Variants in SLC12A1 observed in about 807,000 individuals in gnomAD.
The protein encoded by SLC12A1 is Na-K-2Cl cotransporter.
SLC12A1 carries 89 observed loss-of-function variants against 130.4 expected under a neutral mutation model. That is an observed-to-expected ratio of 0.68 (90% CI 0.58 to 0.81). The LOEUF is 0.81. Among genes scored for constraint, SLC12A1 ranks in the 40% least tolerant of loss-of-function variants. SLC12A1 has a pLI of 0.00. For missense variants in SLC12A1, 1,310 were observed against 1,336.4 expected, an observed-to-expected ratio of 0.98 and a Z score of 0.31; for synonymous variants, 499 against 460.0, an observed-to-expected ratio of 1.08 and a Z score of -1.09.
At chr15:48,258,859 A>C (rs2041738896) in intron 16 of SLC12A1, among the ~76,000 whole-genome samples, 1 of 152,184 alleles carries the variant, frequency 6.6e-6, no homozygotes, top group Non-Finnish European at 1.5e-5. Flanking sequence ...ATCTGTCCCC[A>C]TGATTCAATT....
chr15:48,220,900 C>T (rs770954068), intron 3 of SLC12A1, 21 bp from the exon 4 acceptor site: 1 of 1,613,432 alleles, frequency 6.2e-7, no homozygotes, highest in Admixed American at 1.7e-5. Context: ...TGTCTCCTTT[C>T]AATACCGCTT....
chr15:48,265,476 C>CT (rs964417492), intron 17 of SLC12A1, among the ~76,000 whole-genome samples: 47 of 152,050 alleles, frequency 3.1e-4, no homozygotes, highest in African/African-American at 1.0e-3. Flanking sequence ...AATATTCTTT[C>CT]TTTTTTTTGC....
In SLC12A1 at chr15:48,251,218, TTCTC is replaced by T. The variant is rs1476622286; in HGVS notation, c.1787-395_1787-392del. ...AAAGCCCATTGTTTTCTCTTTTTCT[TTCTC>T]TGACAACCAAGAAGTTTCTCCTCCC... On this transcript the variant is annotated intron_variant, in intron 14 of 26. Transcript: ENST00000380993. 3.9e-5 allele frequency among the ~76,000 whole-genome samples: 6 copies of T among 152,134 alleles called. No homozygotes were observed. In the East Asian group the frequency reaches 1.2e-3, roughly 29 times the overall value.
chr15:48,221,146 T>A (rs2041209413), intron 4 of SLC12A1, 150 bp downstream of exon 4: 1 of 802,376 alleles, frequency 1.2e-6, no homozygotes, highest in South Asian at 1.6e-5. Flanking sequence ...TGACGATGTT[T>A]GTCAGAAAGC....
At chr15:48,227,400 T>C in intron 5 of SLC12A1, 1 of 564,442 alleles carries the variant, frequency 1.8e-6, no homozygotes, top group Non-Finnish European at 3.2e-6. Flanking sequence ...AAGTGGAGAG[T>C]GACTATGTGT....
chr15:48,274,783 A>T, intron 20 of SLC12A1, 130 bp downstream of exon 20: 1 of 589,980 alleles, frequency 1.7e-6, no homozygotes, highest in South Asian at 2.3e-5. Context: ...TTCTAGTGCT[A>T]CTCGTAGTGC....
intron 15 of SLC12A1, 51 bp downstream of exon 15, chr15:48,251,821 T>A: frequency 6.5e-7 from 1 of 1,534,952 alleles, no homozygotes; most frequent in Non-Finnish European, 9.0e-7. Context: ...CTCTAACTAC[T>A]CATTTATTAA....
Position 48,251,645 on chromosome 15 carries a change from T to C in SLC12A1, c.1817T>C (p.Met606Thr). 1.2e-6 allele frequency: 2 copies of C among 1,613,804 alleles called. No homozygotes were observed. The highest frequency in any genetic ancestry group is 1.7e-6 in the Non-Finnish European group (2 of 1,179,718). ...AGACCTGCGTATGGAATTTACAACA[T>C]GTGGGTATCTCTTTTTGGAGCTGTT... ...GWRPAYGIYN[M>T]WVSLFGAVLC... The change falls in exon 15 of 27, where the codon ATG becomes ACG. Residue 606 changes from methionine to threonine, a missense_variant. Physicochemically the swap from Met to Thr is moderately conservative, Grantham distance 81 (BLOSUM62 -1). Transcript: ENST00000380993.
intron 26 of SLC12A1, among the ~76,000 whole-genome samples, chr15:48,302,378 T>C (rs2042242706): frequency 2.0e-5 from 3 of 151,358 alleles, no homozygotes; most frequent in East Asian, 3.9e-4. Flanking sequence ...CCCAGCACTT[T>C]GGGAGGCCGA....
intron 2 of SLC12A1, among the ~76,000 whole-genome samples, chr15:48,209,184 C>G (rs1284563398): frequency 2.0e-5 from 3 of 152,164 alleles, no homozygotes; most frequent in African/African-American, 7.2e-5. Flanking sequence ...GCCTCAGCCC[C>G]CTGAGTAGCT....
chr15:48,239,288 A>G (rs939271402), intron 9 of SLC12A1, among the ~76,000 whole-genome samples: 4 of 151,954 alleles, frequency 2.6e-5, no homozygotes, highest in Admixed American at 2.0e-4. Context: ...CAGGTGGGTG[A>G]TTGCTTGAGC....
intron 15 of SLC12A1, among the ~76,000 whole-genome samples, chr15:48,255,434 C>A (rs2041695785): frequency 7.1e-6 from 1 of 141,628 alleles, no homozygotes; most frequent in Non-Finnish European, 1.5e-5. Context: ...GAAACTCCAT[C>A]TCAAAAAAAA....
In SLC12A1 at chr15:48,259,221, A is replaced by G; in HGVS notation, c.2064A>G (p.Thr688=). ...CCAGGCCCCAGTGCATTGTCTTAAC[A>G]GGGGGACCCATGACAAGACCTGCTC... The part of the protein sequence containing the change: ...KNFRPQCIVL[T]GGPMTRPALL... The change falls in exon 17 of 27, where the codon ACA becomes ACG. Residue 688 remains threonine (T), a synonymous_variant. Coordinates refer to ENST00000380993, the MANE Select transcript of SLC12A1 (RefSeq NM_000338.3). 1.2e-6 allele frequency: 2 copies of G among 1,612,992 alleles called. No homozygotes were observed. The highest frequency in any genetic ancestry group is 1.7e-6 in the Non-Finnish European group (2 of 1,179,042).
chr15:48,277,838 G>A (rs1175351257), intron 20 of SLC12A1, among the ~76,000 whole-genome samples: 1 of 152,172 alleles, frequency 6.6e-6, no homozygotes, highest in Non-Finnish European at 1.5e-5. Context: ...TAGGAGAAGA[G>A]GAGGACGAAG....
intron 23 of SLC12A1, among the ~76,000 whole-genome samples, chr15:48,291,392 T>C (rs2042119777): frequency 6.6e-6 from 1 of 151,886 alleles, no homozygotes; most frequent in African/African-American, 2.4e-5. Context: ...TGATAACTGT[T>C]TGTCAGTAGC....
At chr15:48,260,811 A>C in intron 17 of SLC12A1, among the ~76,000 whole-genome samples, 1 of 152,212 alleles carries the variant, frequency 6.6e-6, no homozygotes, top group East Asian at 1.9e-4. Context: ...CTGGGGGCTA[A>C]TTTACCACAT....
At chr15:48,224,009 C>T (rs2041250728) in intron 4 of SLC12A1, 1 of 152,368 alleles carries the variant, frequency 6.6e-6, no homozygotes, top group Admixed American at 6.5e-5. Context: ...GACTCATTCC[C>T]ACTGCTGCCC....
At chr15:48,291,704 A>T in intron 23 of SLC12A1, 74 bp from the exon 24 acceptor site, 1 of 922,732 alleles carries the variant, frequency 1.1e-6, no homozygotes, top group Non-Finnish European at 1.7e-6. Context: ...TGATATCTTA[A>T]CTCAAACAAA....
intron 23 of SLC12A1, among the ~76,000 whole-genome samples, chr15:48,290,269 G>C (rs569654143): frequency 6.6e-6 from 1 of 152,156 alleles, no homozygotes; most frequent in East Asian, 1.9e-4. Flanking sequence ...AGGTCTTCCA[G>C]GGCAATAACA....
Sources: allele counts gnomAD v4.1 joint callset (sites outside exome capture counted in the v4.1 genomes callset), GRCh38; gene constraint gnomAD v4.1.1; transcripts MANE v1.5; gene names NCBI Gene and HGNC (gene_info 2026-07-23, HGNC 2026-07-21).